Variants in RGS17 observed in about 807,000 individuals in gnomAD.
RGS17 encodes regulator of G-protein signaling 17.
A neutral mutation model predicts 25.5 loss-of-function variants in RGS17; 12 were observed. That is an observed-to-expected ratio of 0.47 (90% CI 0.30 to 0.76). RGS17 has a LOEUF of 0.76. Ranked by LOEUF, RGS17 falls within the 30% of genes least tolerant of loss-of-function variation. The pLI, the probability that RGS17 is intolerant of heterozygous loss-of-function variation, is 0.07. For missense variants in RGS17, 196 were observed against 242.2 expected (o/e 0.81, Z 1.27); for synonymous variants, 71 against 76.9 (o/e 0.92, Z 0.40).
intron 1 of RGS17, among the ~76,000 whole-genome samples, chr6:153,052,867 G>A (rs1776481782): frequency 6.6e-6 from 1 of 152,074 alleles, no homozygotes; most frequent in Non-Finnish European, 1.5e-5. Context: ...AGACAATGAC[G>A]GTGGAGGCCT....
At chr6:153,074,180 AC>A (rs1427559714) in intron 1 of RGS17, among the ~76,000 whole-genome samples, 2 of 152,146 alleles carry the variant, frequency 1.3e-5, no homozygotes, top group Non-Finnish European at 2.9e-5. Context: ...GAAAAGAGCT[AC>A]CCCTACTTAT....
intron 1 of RGS17, among the ~76,000 whole-genome samples, chr6:153,077,918 A>C (rs116400441): frequency 0.032 from 4,886 of 151,862 alleles, 379 homozygotes; most frequent in South Asian, 0.26. Context: ...CCATCACCCA[A>C]GCTGGGGTGC....
chr6:153,011,361 C>A lies in RGS17; in HGVS notation c.*213G>T. On this transcript the variant is annotated 3_prime_UTR_variant, in exon 5 of 5. Coordinates refer to ENST00000206262, the MANE Select transcript of RGS17 (RefSeq NM_012419.5). ...TAGAATGAGTCTTGAATAAAACAAACAATTTGGCAATTCATTGTTTTGTGT... is the reference window on the plus strand; with the variant it reads ...TAGAATGAGTCTTGAATAAAACAAAAAATTTGGCAATTCATTGTTTTGTGT... 1 of 530,760 alleles carries A rather than the reference C, an allele frequency of 1.9e-6. No individual in the cohort carries two copies. Among genetic ancestry groups the A allele is most frequent in the Non-Finnish European group, 3.3e-6 (1 of 302,072 alleles). 32.9% of individuals were successfully genotyped at this position (530,760 alleles called of 1,614,324 possible). A position where few individuals can be genotyped will look rare whatever the true frequency, so the allele number is the denominator to read the frequency against.
At position 153,127,514 on chromosome 6, in the gene RGS17, C is replaced by T. The variant is rs9397133; in HGVS notation, c.-26+3610G>A. Among the ~76,000 whole-genome samples, 9 of 152,272 alleles carry T rather than the reference C, an allele frequency of 5.9e-5. No individual in the cohort carries two copies. The East Asian group carries it at 1.7e-3, about 29-fold the overall frequency. ...TCTTGTATGTCTGAGGAAACTGAGG[C>T]TCAGGACAGATTAGTAACTTGCCTA... On this transcript the variant is annotated intron_variant, in intron 1 of 4. Coordinates refer to ENST00000206262, the MANE Select transcript of RGS17 (RefSeq NM_012419.5).
intron 1 of RGS17, among the ~76,000 whole-genome samples, chr6:153,049,242 C>T (rs1050383604): frequency 1.3e-5 from 2 of 151,982 alleles, no homozygotes; most frequent in African/African-American, 4.8e-5. Context: ...ACTTCTAATA[C>T]ACTAGTAATA....
At chr6:153,066,021 T>C (rs1386231154) in intron 1 of RGS17, among the ~76,000 whole-genome samples, 1 of 151,896 alleles carries the variant, frequency 6.6e-6, no homozygotes, top group Non-Finnish European at 1.5e-5. Flanking sequence ...TTAAACAAAA[T>C]AGGAAAACCT....
At position 153,005,642 on chromosome 6, in the gene RGS17, C is replaced by T. The variant is rs966895673; in HGVS notation, c.*5932G>A. ...CTTTACCGTTGTGTTCTTTCAAAAA[C>T]CAAAAACCTGTGTCTAGTCACGAGA... is the stretch of plus-strand genomic sequence containing the variant. On this transcript the variant is annotated 3_prime_UTR_variant, in exon 5 of 5. Coordinates refer to ENST00000206262, the MANE Select transcript of RGS17 (RefSeq NM_012419.5). 6.6e-6 allele frequency: 1 copy of T among 152,128 alleles called. No homozygotes were observed. The highest frequency in any genetic ancestry group is 1.5e-5 in the Non-Finnish European group (1 of 68,034). 9.4% of individuals were successfully genotyped at this position (152,128 alleles called of 1,614,324 possible).
intron 1 of RGS17, among the ~76,000 whole-genome samples, chr6:153,067,871 A>G (rs559857823): frequency 1.3e-5 from 2 of 152,306 alleles, no homozygotes; most frequent in East Asian, 3.9e-4. Context: ...GAGCAAAAAG[A>G]AAAACTGGAG....
chr6:153,088,189 A>G (rs1030132061), intron 1 of RGS17, among the ~76,000 whole-genome samples: 10 of 152,162 alleles, frequency 6.6e-5, no homozygotes, highest in Non-Finnish European at 2.9e-5. Context: ...GAGCCTTGAG[A>G]TTACTGTTGC....
Position 153,006,408 on chromosome 6 carries a change from C to A in RGS17, c.*5166G>T, listed in dbSNP as rs1340724901. 1 of 94,696 alleles carries A rather than the reference C, an allele frequency of 1.1e-5. No individual in the cohort carries two copies. The highest frequency in any genetic ancestry group is 5.7e-5 in the African/African-American group (1 of 17,486). The allele number at this position is 94,696 out of a possible 1,614,324, so 5.9% of individuals were successfully genotyped here. A position where few individuals can be genotyped will look rare whatever the true frequency, so the allele number is the denominator to read the frequency against. Reference sequence around the variant, plus strand: ...TAATTTTAACCTATAATTGTATATCCATTTATCATCTATCTATCATCTATC... The same window carrying A: ...TAATTTTAACCTATAATTGTATATCAATTTATCATCTATCTATCATCTATC... On this transcript the variant is annotated 3_prime_UTR_variant, in exon 5 of 5. Transcript: ENST00000206262.
At chr6:153,028,163 G>A (rs1779323655) in intron 2 of RGS17, among the ~76,000 whole-genome samples, 1 of 152,166 alleles carries the variant, frequency 6.6e-6, no homozygotes, top group Non-Finnish European at 1.5e-5. Context: ...GAAAACATAG[G>A]ATTTCATAGT....
intron 2 of RGS17, among the ~76,000 whole-genome samples, chr6:153,028,763 G>C (rs1223562488): frequency 2.6e-5 from 4 of 152,064 alleles, no homozygotes; most frequent in Admixed American, 1.3e-4. Context: ...CACATATTAA[G>C]GCACTATAAC....
intron 1 of RGS17, among the ~76,000 whole-genome samples, chr6:153,112,680 C>T (rs1332376320): frequency 1.3e-5 from 2 of 152,130 alleles, no homozygotes; most frequent in Non-Finnish European, 2.9e-5. Context: ...AGAAAAAGGT[C>T]GGGTTACCCA....
chr6:153,103,250 A>C (rs1777331515), intron 1 of RGS17, among the ~76,000 whole-genome samples: 1 of 152,260 alleles, frequency 6.6e-6, no homozygotes, highest in African/African-American at 2.4e-5. Flanking sequence ...TTAAGGAATA[A>C]TGGGCTGAGA....
chr6:153,016,206 A>T (rs972699245), intron 4 of RGS17, among the ~76,000 whole-genome samples: 1 of 152,248 alleles, frequency 6.6e-6, no homozygotes, highest in Non-Finnish European at 1.5e-5. Context: ...AAGTAATTTT[A>T]AAAAGCACAG....
chr6:153,062,138 A>T (rs561744286), intron 1 of RGS17, among the ~76,000 whole-genome samples: 1 of 129,932 alleles, frequency 7.7e-6, no homozygotes, highest in East Asian at 2.2e-4. Flanking sequence ...ACAACTATCT[A>T]CACAAGAAGA....
At chr6:153,045,523 C>A (rs76879897) in intron 1 of RGS17, among the ~76,000 whole-genome samples, 6 of 152,204 alleles carry the variant, frequency 3.9e-5, no homozygotes, top group Non-Finnish European at 8.8e-5. Context: ...GCAGGGAATC[C>A]TGAGATACTG....
intron 1 of RGS17, among the ~76,000 whole-genome samples, chr6:153,092,182 C>A (rs569933404): frequency 1.3e-5 from 2 of 152,154 alleles, no homozygotes; most frequent in African/African-American, 2.4e-5. Flanking sequence ...TTATTTAAAC[C>A]CACCTACACA....
At chr6:153,019,300 A>T (rs1264661552) in intron 4 of RGS17, among the ~76,000 whole-genome samples, 1 of 152,168 alleles carries the variant, frequency 6.6e-6, no homozygotes, top group Non-Finnish European at 1.5e-5. Context: ...GGTTTTCTTC[A>T]ATTCAGATAC....
Sources: gnomAD v4.1 joint callset for allele counts (sites outside exome capture counted in the v4.1 genomes callset) on GRCh38, gnomAD v4.1.1 for gene constraint, MANE v1.5 for transcripts, NCBI Gene and HGNC (gene_info 2026-07-23, HGNC 2026-07-21) for gene names.